CSMD1: variants seen among roughly 807,000 people sequenced by gnomAD.
CSMD1 encodes the protein CUB and Sushi multiple domains 1.
CSMD1 carries 213 observed loss-of-function variants against 417.5 expected under a neutral mutation model. The observed-to-expected ratio is 0.51, with a 90% CI of 0.46 to 0.57. The LOEUF (loss-of-function observed/expected upper bound fraction) is 0.57. Ranked by LOEUF, CSMD1 falls within the 20% of genes least tolerant of loss-of-function variation. The pLI, the probability that CSMD1 is intolerant of heterozygous loss-of-function variation, is 0.00. For missense variants in CSMD1, 6,923 were observed against 4,529.7 expected (o/e 1.53, Z -15.17); for synonymous variants, 2,862 against 1,736.8 (o/e 1.65, Z -16.11).
intron 3 of CSMD1, among the ~76,000 whole-genome samples, chr8:4,240,654 C>T (rs1181247404): frequency 6.6e-6 from 1 of 152,122 alleles, no homozygotes; most frequent in African/African-American, 2.4e-5. Context: ...AACAAGTACT[C>T]CCCTTATACA....
chr8:3,275,131 C>T (rs201997174), intron 26 of CSMD1, among the ~76,000 whole-genome samples: 13 of 152,268 alleles, frequency 8.5e-5, no homozygotes, highest in Non-Finnish European at 1.8e-4. Context: ...CTGGTAGTGA[C>T]AAAATCTCTC....
At chr8:4,458,569 C>T (rs957465245) in intron 2 of CSMD1, among the ~76,000 whole-genome samples, 2 of 151,968 alleles carry the variant, frequency 1.3e-5, no homozygotes, top group Non-Finnish European at 2.9e-5. Flanking sequence ...CTTTGAAAGA[C>T]ATTGTAACAG....
At chr8:3,168,644 C>CACACACACACAG (rs1820384078) in intron 37 of CSMD1, among the ~76,000 whole-genome samples, 1 of 151,904 alleles carries the variant, frequency 6.6e-6, no homozygotes, top group Non-Finnish European at 1.5e-5. Context: ...CACACACACA[C>CACACACACACAG]ACACACACAA....
intron 23 of CSMD1, among the ~76,000 whole-genome samples, chr8:3,329,456 A>ACAGG (rs879265868): frequency 3.9e-5 from 6 of 152,176 alleles, no homozygotes; most frequent in Admixed American, 6.5e-5. Flanking sequence ...GGGAGCATAT[A>ACAGG]TGATGAACGG....
chr8:4,800,456 G>T (rs1301800272), intron 1 of CSMD1, among the ~76,000 whole-genome samples: 2 of 145,648 alleles, frequency 1.4e-5, no homozygotes, highest in Admixed American at 6.8e-5. Flanking sequence ...AAAAAAAAAG[G>T]AAAATTAAAA....
chr8:3,292,610 T>G (rs1254389910), intron 25 of CSMD1, among the ~76,000 whole-genome samples: 3 of 152,190 alleles, frequency 2.0e-5, no homozygotes, highest in Non-Finnish European at 2.9e-5. Context: ...TTGATCTTTG[T>G]TGGTTTAAAG....
chr8:4,201,226 G>A (rs1420741845), intron 3 of CSMD1, among the ~76,000 whole-genome samples: 3 of 152,148 alleles, frequency 2.0e-5, no homozygotes, highest in African/African-American at 7.2e-5. Context: ...AGAAAATACT[G>A]GTGAGTATGG....
At chr8:4,050,821 G>C (rs1364397780) in intron 3 of CSMD1, among the ~76,000 whole-genome samples, 3 of 152,114 alleles carry the variant, frequency 2.0e-5, no homozygotes, top group South Asian at 2.1e-4. Context: ...TTTATCTCAA[G>C]TGCCAATTTT....
chr8:3,949,805 G>C (rs1322245010), intron 5 of CSMD1: 1 of 417,616 alleles, frequency 2.4e-6, no homozygotes, highest in Non-Finnish European at 4.8e-6. Flanking sequence ...CACATGGAAA[G>C]CTGGGGCAAT....
At position 3,348,217 on chromosome 8, in the gene CSMD1, A is replaced by C. The variant is rs926447333; in HGVS notation, c.3305-56T>G. 4.2e-5 allele frequency: 59 copies of C among 1,411,148 alleles called. 1 individual carries two copies. Among genetic ancestry groups the C allele is most frequent in the Middle Eastern group, 4.6e-4 (2 of 4,354 alleles). 87.4% of individuals were successfully genotyped at this position (1,411,148 alleles called of 1,614,324 possible). A position where few individuals can be genotyped will look rare whatever the true frequency, so the allele number is the denominator to read the frequency against. On this transcript the variant is annotated intron_variant, in intron 21 of 69. Coordinates refer to ENST00000635120, the MANE Select transcript of CSMD1 (RefSeq NM_033225.6). ...ATTCAAAAGTGGAATTACTGTTTTT[A>C]ACAGATTAAAAACTTTAAAATCATG...
intron 12 of CSMD1, among the ~76,000 whole-genome samples, chr8:3,465,735 C>T (rs1816758795): frequency 6.6e-6 from 1 of 152,280 alleles, no homozygotes; most frequent in Admixed American, 6.5e-5. Context: ...AGTGAGGTTA[C>T]AATGATAGCT....
At chr8:3,385,496 T>C (rs1021677027) in intron 18 of CSMD1, among the ~76,000 whole-genome samples, 1 of 152,034 alleles carries the variant, frequency 6.6e-6, no homozygotes, top group African/African-American at 2.4e-5. Flanking sequence ...TTCTAATTCA[T>C]ATCATTTTCA....
chr8:4,292,531 C>T (rs1797431279), intron 3 of CSMD1, among the ~76,000 whole-genome samples: 1 of 152,010 alleles, frequency 6.6e-6, no homozygotes, highest in Non-Finnish European at 1.5e-5. Flanking sequence ...GGATTACAGC[C>T]CAGGCGTGAG....
intron 1 of CSMD1, among the ~76,000 whole-genome samples, chr8:4,638,865 C>T (rs1178436380): frequency 1.3e-5 from 2 of 152,170 alleles, no homozygotes; most frequent in African/African-American, 4.8e-5. Flanking sequence ...TTCATTCTGC[C>T]TCTGCCTCTG....
At chr8:4,096,130 T>C (rs750735380) in intron 3 of CSMD1, among the ~76,000 whole-genome samples, 1 of 152,150 alleles carries the variant, frequency 6.6e-6, no homozygotes, top group Non-Finnish European at 1.5e-5. Context: ...ACATCCAGGG[T>C]CCTAGATGTT....
intron 3 of CSMD1, among the ~76,000 whole-genome samples, chr8:4,044,875 T>C (rs1334135950): frequency 1.3e-5 from 2 of 152,222 alleles, no homozygotes; most frequent in East Asian, 1.9e-4. Context: ...TCCTGAACTT[T>C]GCAGCCCTCA....
intron 1 of CSMD1, among the ~76,000 whole-genome samples, chr8:4,917,661 A>AAAATG (rs1206363510): frequency 2.0e-5 from 3 of 151,090 alleles, no homozygotes; most frequent in East Asian, 3.9e-4. Flanking sequence ...GAAATAAAAT[A>AAAATG]AAAAATAAAA....
At chr8:4,002,635 A>G (rs1269237663) in intron 4 of CSMD1, among the ~76,000 whole-genome samples, 1 of 152,198 alleles carries the variant, frequency 6.6e-6, no homozygotes, top group Non-Finnish European at 1.5e-5. Flanking sequence ...TTGCTCCCAC[A>G]TATCGCTAAA....
chr8:4,474,542 G>T (rs955694074), intron 2 of CSMD1, among the ~76,000 whole-genome samples: 1 of 152,180 alleles, frequency 6.6e-6, no homozygotes, highest in South Asian at 2.1e-4. Context: ...ATGTCATGGG[G>T]TTTAGCACTT....
Sources: allele counts gnomAD v4.1 joint callset (sites outside exome capture counted in the v4.1 genomes callset), GRCh38; gene constraint gnomAD v4.1.1; transcripts MANE v1.5; gene names NCBI Gene and HGNC (gene_info 2026-07-23, HGNC 2026-07-21).